The following IMPG1 variants were observed in gnomAD, a reference collection of about 807,000 sequenced individuals.
IMPG1 encodes interphotoreceptor matrix proteoglycan 1.
Under a neutral mutation model 92.0 loss-of-function variants are expected in IMPG1, and 85 were observed. The ratio of observed to expected loss-of-function variants is 0.92; its 90% CI spans 0.78 to 1.11. The LOEUF (loss-of-function observed/expected upper bound fraction) is 1.11. Among genes scored for constraint, IMPG1 ranks in the 50% least tolerant of loss-of-function variants. IMPG1 has a pLI of 0.00. For missense variants in IMPG1, 1,022 were observed against 956.0 expected (o/e 1.07, Z -0.91); for synonymous variants, 367 against 334.1 (o/e 1.10, Z -1.08).
intron 1 of IMPG1, among the ~76,000 whole-genome samples, chr6:76,054,648 C>G (rs958728300): frequency 2.0e-5 from 3 of 151,994 alleles, no homozygotes; most frequent in African/African-American, 7.2e-5. Context: ...ATAACCAGCT[C>G]TGGGAGATGG....
intron 12 of IMPG1, among the ~76,000 whole-genome samples, chr6:75,989,083 C>T (rs989557161): frequency 6.6e-6 from 1 of 152,186 alleles, no homozygotes; most frequent in East Asian, 1.9e-4. Context: ...TGTAACATTT[C>T]TGGCATTTTG....
Position 75,921,945 on chromosome 6 carries a change from T to A in IMPG1, c.*144A>T. 1.8e-6 allele frequency: 1 copy of A among 564,876 alleles called. No homozygotes were observed. The highest frequency in any genetic ancestry group is 3.2e-6 in the Non-Finnish European group (1 of 313,378). The allele number at this position is 564,876 out of a possible 1,614,324, so 35.0% of individuals were successfully genotyped here. On this transcript the variant is annotated 3_prime_UTR_variant, in exon 17 of 17. Coordinates refer to ENST00000369950, the MANE Select transcript of IMPG1 (RefSeq NM_001563.4). ...TGCCAAGTACATGACTCTTCTATAT[T>A]TGAAATATGGTGTGTGCTGATTCTC...
chr6:76,051,446 G>A (rs1784040830), intron 1 of IMPG1, among the ~76,000 whole-genome samples: 1 of 152,174 alleles, frequency 6.6e-6, no homozygotes, highest in South Asian at 2.1e-4. Flanking sequence ...TCTACAACTT[G>A]CTGTCCCACT....
chr6:76,025,141 T>C (rs1301239096), intron 5 of IMPG1, 53 bp downstream of exon 5: 1 of 994,534 alleles, frequency 1.0e-6, no homozygotes, highest in Non-Finnish European at 1.6e-6. Flanking sequence ...TAACATGCTA[T>C]CATGATGATT....
intron 12 of IMPG1, among the ~76,000 whole-genome samples, chr6:75,953,371 A>G (rs1020687885): frequency 6.6e-6 from 1 of 152,058 alleles, no homozygotes; most frequent in African/African-American, 2.4e-5. Flanking sequence ...GCATTCATCA[A>G]CACATCATCT....
intron 12 of IMPG1, among the ~76,000 whole-genome samples, chr6:75,983,376 A>G (rs540277009): frequency 1.3e-5 from 2 of 152,276 alleles, no homozygotes; most frequent in Non-Finnish European, 2.9e-5. Flanking sequence ...ATAAAAACAG[A>G]CATACAGACC....
In IMPG1 at chr6:75,974,356, TTTC is replaced by T. The variant is rs1562354437; in HGVS notation, c.1292-23265_1292-23263del. Among the ~76,000 whole-genome samples the T allele has an allele frequency of 2.3e-3, 283 of 122,380 alleles. 3 individuals carry two copies. The highest frequency in any genetic ancestry group is 0.011 in the South Asian group (39 of 3,444). 80.3% of individuals were successfully genotyped at this position (122,380 alleles called of 152,430 possible). A position where few individuals can be genotyped will look rare whatever the true frequency, so the allele number is the denominator to read the frequency against. On this transcript the variant is annotated intron_variant, in intron 12 of 16. Transcript: ENST00000369950. The stretch of plus-strand genomic sequence containing the variant: ...CTTTCTTTCTTTCTTTCTTTCTTTC[TTTC>T]TTTCTTTCTTTCTTTCTTTCTTTCT...
chr6:75,974,401 T>TTTCCTTCCTTCCTTCCTTCCTTGC (rs1562354910), intron 12 of IMPG1, among the ~76,000 whole-genome samples: 1,308 of 92,478 alleles, frequency 0.014, 29 homozygotes, highest in Non-Finnish European at 0.021. Context: ...CTTTTCTTTC[T>TTTCCTTCCTTCCTTCCTTCCTTGC]TTCCTTCCTT....
intron 1 of IMPG1, among the ~76,000 whole-genome samples, chr6:76,058,764 A>G (rs1026072921): frequency 2.0e-5 from 3 of 152,194 alleles, no homozygotes; most frequent in Admixed American, 1.3e-4. Flanking sequence ...TGTAGGGCCT[A>G]GCTAACTTTA....
intron 1 of IMPG1, among the ~76,000 whole-genome samples, chr6:76,056,727 G>C (rs947820319): frequency 1.3e-5 from 2 of 152,136 alleles, no homozygotes; most frequent in African/African-American, 4.8e-5. Context: ...ATCCTAACAA[G>C]TGTGAGGTAA....
chr6:76,021,798 T>TATATATATATATATATATAC lies in IMPG1; in HGVS notation c.666+317_666+318insGTATATATATATATATATAT, dbSNP rs1169030839. Among the ~76,000 whole-genome samples the TATATATATATATATATATAC allele has an allele frequency of 5.5e-4, 78 of 140,704 alleles. 2 individuals are homozygous for TATATATATATATATATATAC. Among genetic ancestry groups the TATATATATATATATATATAC allele is most frequent in the African/African-American group, 2.0e-3 (76 of 38,486 alleles). The allele number at this position is 140,704 out of a possible 152,430, so 92.3% of individuals were successfully genotyped here. Reference sequence around the variant, plus strand: ...GAGAGCATATATATATATATATATATATATGGTTTTGTTATATATATATAT... The same window carrying TATATATATATATATATATAC: ...GAGAGCATATATATATATATATATATATATATATATATATATATACATATGGTTTTGTTATATATATATAT... On this transcript the variant is annotated intron_variant, in intron 6 of 16. Coordinates refer to ENST00000369950, the MANE Select transcript of IMPG1 (RefSeq NM_001563.4).
chr6:75,936,893 A>G (rs1035945458), intron 14 of IMPG1, among the ~76,000 whole-genome samples: 1 of 152,174 alleles, frequency 6.6e-6, no homozygotes, highest in Non-Finnish European at 1.5e-5. Flanking sequence ...GGTTGGCCAA[A>G]CAGCTCCAGG....
chr6:76,071,369 A>G (rs1010229038), intron 1 of IMPG1, among the ~76,000 whole-genome samples: 15 of 150,728 alleles, frequency 1.0e-4, no homozygotes, highest in African/African-American at 3.6e-4. Context: ...CCAAAATCTC[A>G]TTATTTATTT....
At position 75,999,373 on chromosome 6, in the gene IMPG1, G is replaced by T. The variant is rs1346005116; in HGVS notation, c.1291+3545C>A. Among the ~76,000 whole-genome samples the T allele has an allele frequency of 5.9e-5, 9 of 152,194 alleles. No individual in the cohort carries two copies. The South Asian group carries it at 1.9e-3, about 32-fold the overall frequency. On this transcript the variant is annotated intron_variant, in intron 12 of 16. Coordinates refer to ENST00000369950, the MANE Select transcript of IMPG1 (RefSeq NM_001563.4). ...AAGATTTCTTTGAGTGCTTTACAGA[G>T]ATTTTAATGGCCTGGTGGGTGTTTG...
At chr6:75,924,334 G>A (rs1419192416) in intron 15 of IMPG1, among the ~76,000 whole-genome samples, 4 of 139,688 alleles carry the variant, frequency 2.9e-5, no homozygotes, top group Admixed American at 2.4e-4. Flanking sequence ...AAGATTTGGA[G>A]TCAACCTGTT....
chr6:75,966,031 G>A (rs1241360067), intron 12 of IMPG1, among the ~76,000 whole-genome samples: 1 of 152,028 alleles, frequency 6.6e-6, no homozygotes, highest in Non-Finnish European at 1.5e-5. Flanking sequence ...GTTCCGTCTA[G>A]GATATACGAG....
At position 75,924,708 on chromosome 6, in the gene IMPG1, T is replaced by TATATC. The variant is rs1781515316; in HGVS notation, c.2244-1003_2244-1002insGATAT. 8.4e-4 allele frequency among the ~76,000 whole-genome samples: 4 copies of TATATC among 4,734 alleles called. 1 individual carries two copies. Among genetic ancestry groups the TATATC allele is most frequent in the East Asian group, 0.038 (2 of 52 alleles). The allele number at this position is 4,734 out of a possible 152,430, so 3.1% of individuals were successfully genotyped here. ...ATTATATATAAATAATTATATATAA[T>TATATC]ATATAATATATAATATAATTATATA... is the stretch of plus-strand genomic sequence containing the variant. On this transcript the variant is annotated intron_variant, in intron 15 of 16. Transcript: ENST00000369950.
chr6:75,971,357 T>C (rs191762383), intron 12 of IMPG1, among the ~76,000 whole-genome samples: 26 of 149,218 alleles, frequency 1.7e-4, no homozygotes, highest in Admixed American at 1.5e-3. Flanking sequence ...CTGGGAGATA[T>C]ACCTAATGCT....
intron 12 of IMPG1, among the ~76,000 whole-genome samples, chr6:75,962,971 G>A (rs751302739): frequency 5.3e-5 from 8 of 152,034 alleles, no homozygotes; most frequent in Non-Finnish European, 1.2e-4. Context: ...AACCTGGGAG[G>A]CGGAGGCTGC....
Sources: allele counts gnomAD v4.1 joint callset (sites outside exome capture counted in the v4.1 genomes callset), GRCh38; gene constraint gnomAD v4.1.1; transcripts MANE v1.5; gene names NCBI Gene and HGNC (gene_info 2026-07-23, HGNC 2026-07-21).